Variants in PKP2 observed in about 807,000 individuals in gnomAD.
PKP2 encodes plakophilin-2.
In PKP2, 73 loss-of-function variants were observed where a neutral mutation model predicts 83.4. The ratio of observed to expected loss-of-function variants is 0.88; its 90% CI spans 0.72 to 1.06. The LOEUF is 1.06. PKP2 is among the 50% of genes least tolerant of loss of function. The probability of loss-of-function intolerance (pLI) is 0.00; values close to 1 mark genes in which losing one functional copy is unlikely to be tolerated. For missense variants in PKP2, 966 were observed against 1,065.4 expected, an observed-to-expected ratio of 0.91 and a Z score of 1.30; for synonymous variants, 409 against 430.4, an observed-to-expected ratio of 0.95 and a Z score of 0.62.
intron 9 of PKP2, chr12:32,821,110 C>G: frequency 4.1e-6 from 2 of 486,058 alleles, no homozygotes; most frequent in Non-Finnish European, 7.4e-6. Flanking sequence ...CTCTTTTTTG[C>G]TTAAACCAGC....
intron 4 of PKP2, among the ~76,000 whole-genome samples, chr12:32,861,045 A>C (rs549902047): frequency 6.6e-6 from 1 of 152,198 alleles, no homozygotes; most frequent in East Asian, 1.9e-4. Context: ...ACAAACAAAC[A>C]AACAAACAAA....
intron 5 of PKP2, among the ~76,000 whole-genome samples, chr12:32,844,939 G>C (rs1266800235): frequency 1.3e-5 from 2 of 152,120 alleles, no homozygotes; most frequent in Non-Finnish European, 1.5e-5. Context: ...TCAGATTCTG[G>C]ATTACCTAAT....
chr12:32,866,449 G>A (rs1436566564), intron 4 of PKP2, among the ~76,000 whole-genome samples: 1 of 151,108 alleles, frequency 6.6e-6, no homozygotes, highest in African/African-American at 2.4e-5. Context: ...TACTTGGGAG[G>A]CTGAGGTGGG....
chr12:32,844,602 A>C (rs530255387), intron 5 of PKP2, among the ~76,000 whole-genome samples: 1 of 152,350 alleles, frequency 6.6e-6, no homozygotes, highest in South Asian at 2.1e-4. Context: ...GCTCACTGAA[A>C]GTATAAACTT....
Position 32,896,763 on chromosome 12 carries a change from T to C in PKP2, c.-32A>G, listed in dbSNP as rs758069762. ...GGTGGGGGCGACCGAGCTGCTCGCC[T>C]GCCTCTGGACTCGCGGGCGAAGCCG... On this transcript the variant is annotated 5_prime_UTR_variant, in exon 1 of 13. Transcript: ENST00000340811. The C allele has an allele frequency of 1.6e-6, 2 of 1,225,822 alleles. No homozygotes were observed. Among genetic ancestry groups the C allele is most frequent in the Non-Finnish European group, 1.1e-6 (1 of 916,052 alleles). The allele number at this position is 1,225,822 out of a possible 1,614,324, so 75.9% of individuals were successfully genotyped here.
At chr12:32,895,874 A>G (rs1296005529) in intron 1 of PKP2, among the ~76,000 whole-genome samples, 2 of 152,186 alleles carry the variant, frequency 1.3e-5, no homozygotes, top group African/African-American at 4.8e-5. Flanking sequence ...GGCAGGGCCA[A>G]AGTCCCCTAC....
intron 3 of PKP2, 42 bp downstream of exon 3, chr12:32,877,804 G>A (rs1956944253): frequency 7.1e-7 from 1 of 1,399,218 alleles, no homozygotes. Flanking sequence ...GGAACAGAAT[G>A]TGCTGGCAAT....
chr12:32,884,314 C>T (rs750170694), intron 1 of PKP2, among the ~76,000 whole-genome samples: 3 of 152,036 alleles, frequency 2.0e-5, no homozygotes, highest in Admixed American at 1.3e-4. Flanking sequence ...ATTAGCCGGG[C>T]GTGGTGGCAG....
rs376377703 is a variant in PKP2 at position 32,861,638 on chromosome 12, A to C, written c.1170+7289T>G. ...AAAGGAGGAATAGAAAAACTGTGAA[A>C]ATTTTCTAATTTTGATGCAAAGTAG... On this transcript the variant is annotated intron_variant, in intron 4 of 12. Transcript: ENST00000340811. 1.1e-4 allele frequency among the ~76,000 whole-genome samples: 16 copies of C among 152,280 alleles called. No homozygotes were observed. The East Asian group carries it at 1.2e-3, about 11-fold the overall frequency.
chr12:32,874,394 T>C (rs748790130), intron 3 of PKP2, among the ~76,000 whole-genome samples: 32 of 152,236 alleles, frequency 2.1e-4, no homozygotes, highest in Non-Finnish European at 4.0e-4. Flanking sequence ...TCTATCTTCC[T>C]CATTACACAA....
chr12:32,837,733 T>C (rs1206649842), intron 6 of PKP2, among the ~76,000 whole-genome samples: 1 of 152,196 alleles, frequency 6.6e-6, no homozygotes, highest in Non-Finnish European at 1.5e-5. Context: ...AACCAATGTA[T>C]AGCTTCTACT....
intron 1 of PKP2, among the ~76,000 whole-genome samples, chr12:32,887,344 C>G (rs1159141866): frequency 1.3e-5 from 2 of 152,128 alleles, no homozygotes; most frequent in African/African-American, 2.4e-5. Flanking sequence ...TTTTCAGGAG[C>G]CCCCTAAGCA....
intron 1 of PKP2, 80 bp from the exon 2 acceptor site, chr12:32,879,112 T>C (rs915539696): frequency 2.5e-6 from 2 of 801,108 alleles, no homozygotes; most frequent in African/African-American, 3.4e-5. Flanking sequence ...CAATGATGTA[T>C]TAAACTTTTA....
intron 9 of PKP2, among the ~76,000 whole-genome samples, chr12:32,809,461 C>T (rs10844366): frequency 0.87 from 132,448 of 152,212 alleles, 57,900 homozygotes; most frequent in Non-Finnish European, 0.92. Flanking sequence ...GGCAGACTCA[C>T]TGTGTTGCCA....
chr12:32,843,184 T>C lies in PKP2; in HGVS notation c.1379-1979A>G. The C allele has an allele frequency of 1.9e-6, 1 of 514,128 alleles. No homozygotes were observed. Among genetic ancestry groups the C allele is most frequent in the Non-Finnish European group, 3.8e-6 (1 of 264,028 alleles). The allele number at this position is 514,128 out of a possible 1,614,324, so 31.8% of individuals were successfully genotyped here. A position where few individuals can be genotyped will look rare whatever the true frequency, so the allele number is the denominator to read the frequency against. On this transcript the variant is annotated intron_variant, in intron 5 of 12. Transcript: ENST00000340811. Reference sequence around the variant, plus strand: ...TTGAGTAGAGACAGGGGTCTCACCATGTTGGTCAGGCTGGTCTCGAACTCC... The same window carrying C: ...TTGAGTAGAGACAGGGGTCTCACCACGTTGGTCAGGCTGGTCTCGAACTCC...
intron 3 of PKP2, among the ~76,000 whole-genome samples, chr12:32,875,650 G>C (rs1490347196): frequency 6.6e-6 from 1 of 152,186 alleles, no homozygotes; most frequent in East Asian, 1.9e-4. Context: ...ACCAGAGGCA[G>C]AGAGCCCTGT....
At position 32,878,524 on chromosome 12, in the gene PKP2, TA is replaced by T; in HGVS notation, c.355del (p.Tyr119MetfsTer23). 1.2e-6 allele frequency: 2 copies of T among 1,612,010 alleles called. No individual in the cohort carries two copies. The highest frequency in any genetic ancestry group is 1.7e-6 in the Non-Finnish European group (2 of 1,179,132). On this transcript the variant is annotated frameshift_variant, in exon 3 of 13. Transcript: ENST00000340811. LOFTEE classifies it high-confidence loss of function. ...TGTTCCTCTTCCCCAGCGACCTTCATAAGTGGCAGTTGTGCCAGCCTGCACA... is the reference window on the plus strand; with the variant it reads ...TGTTCCTCTTCCCCAGCGACCTTCATAGTGGCAGTTGTGCCAGCCTGCACA... ...DMLKAGTTAT[Y>X]EGRWGRGTAQ...
chr12:32,794,106 C>T (rs953711615), intron 11 of PKP2, among the ~76,000 whole-genome samples: 1 of 152,116 alleles, frequency 6.6e-6, no homozygotes, highest in African/African-American at 2.4e-5. Flanking sequence ...TGGTGTGTTC[C>T]TTCAAGAGTG....
intron 9 of PKP2, among the ~76,000 whole-genome samples, chr12:32,810,239 T>C (rs1426874789): frequency 6.6e-6 from 1 of 152,216 alleles, no homozygotes; most frequent in Admixed American, 6.5e-5. Flanking sequence ...CATTGGTCAA[T>C]GAATGAACAA....
Sources: allele counts gnomAD v4.1 joint callset (sites outside exome capture counted in the v4.1 genomes callset), GRCh38; gene constraint gnomAD v4.1.1; transcripts MANE v1.5; gene names NCBI Gene and HGNC (gene_info 2026-07-23, HGNC 2026-07-21).